Variants in SCLY observed in about 807,000 individuals in gnomAD.
SCLY encodes the protein putative selenocysteine lyase.
SCLY carries 38 observed loss-of-function variants against 50.1 expected under a neutral mutation model. The ratio of observed to expected loss-of-function variants is 0.76; its 90% CI spans 0.59 to 0.99. The LOEUF (loss-of-function observed/expected upper bound fraction) is 0.99. Ranked by LOEUF, SCLY falls within the 50% of genes least tolerant of loss-of-function variation. SCLY has a pLI of 0.00. For synonymous variants in SCLY, 243 were observed against 249.4 expected (o/e 0.97, Z 0.24); for missense variants, 600 against 620.0 (o/e 0.97, Z 0.34).
intron 3 of SCLY, 99 bp downstream of exon 3, chr2:238,068,264 G>A: frequency 1.1e-6 from 1 of 951,942 alleles, no homozygotes; most frequent in Non-Finnish European, 1.5e-6. Context: ...TAAAGAAAGA[G>A]TAGGCCAAGT....
At chr2:238,068,385 C>CA (rs758815395) in intron 3 of SCLY, among the ~76,000 whole-genome samples, 2,763 of 127,882 alleles carry the variant, frequency 0.022, 55 homozygotes, top group African/African-American at 0.066. Flanking sequence ...TCCATCTCTA[C>CA]AAAAAAAAAA....
intron 7 of SCLY, among the ~76,000 whole-genome samples, chr2:238,084,396 G>A (rs2065267333): frequency 6.9e-6 from 1 of 145,830 alleles, no homozygotes; most frequent in Non-Finnish European, 1.5e-5. Flanking sequence ...TTTGAGAGCA[G>A]CCTGGCCGAG....
Position 238,067,251 on chromosome 2 carries a change from A to T in SCLY, c.203-814A>T, listed in dbSNP as rs1233339020. Among the ~76,000 whole-genome samples, 1 of 152,232 alleles carries T rather than the reference A, an allele frequency of 6.6e-6. No homozygotes were observed. Among genetic ancestry groups the T allele is most frequent in the Non-Finnish European group, 1.5e-5 (1 of 68,032 alleles). On this transcript the variant is annotated intron_variant, in intron 2 of 11. Coordinates refer to ENST00000254663, the MANE Select transcript of SCLY (RefSeq NM_016510.7). This position sits in a 1 kb window ranked among gnomAD's most constrained non-coding sequence, Gnocchi z 4.3. ...AAACTGACATCTATACAGTAGCGTT[A>T]AGGAGCAGCAGAATTACTTTGCATA...
At position 238,096,328 on chromosome 2, in the gene SCLY, G is replaced by A. The variant is rs2065435868; in HGVS notation, c.1109-473G>A. 3.8e-5 allele frequency: 9 copies of A among 235,046 alleles called. 1 individual carries two copies. In the South Asian group the frequency reaches 4.2e-4, roughly 11 times the overall value. 14.6% of individuals were successfully genotyped at this position (235,046 alleles called of 1,614,324 possible). A position where few individuals can be genotyped will look rare whatever the true frequency, so the allele number is the denominator to read the frequency against. On this transcript the variant is annotated intron_variant, in intron 10 of 11. Transcript: ENST00000254663. ...GGCCTCCCAAAGTGCTGGGATTACA[G>A]GTGTAAGCCACTGCACCTGGCTGAA...
At chr2:238,092,447 G>C (rs183885765) in intron 8 of SCLY, 3 of 152,354 alleles carry the variant, frequency 2.0e-5, no homozygotes, top group Admixed American at 6.5e-5. Context: ...TGAAGTAGTG[G>C]TGCCGTCCAC....
intron 8 of SCLY, 112 bp downstream of exon 8, chr2:238,091,366 C>T (rs368926660): frequency 2.7e-5 from 24 of 885,324 alleles, no homozygotes; most frequent in African/African-American, 2.1e-4. Context: ...ATCTCATAAG[C>T]GGACTGACAA....
intron 7 of SCLY, among the ~76,000 whole-genome samples, chr2:238,087,828 G>A (rs1212440120): frequency 2.6e-5 from 4 of 152,200 alleles, no homozygotes; most frequent in South Asian, 2.1e-4. Flanking sequence ...GGTGGTTCAC[G>A]CGTGTAATCC....
Position 238,081,344 on chromosome 2 carries a change from A to T in SCLY, c.485-365A>T, listed in dbSNP as rs562121772. 5.9e-5 allele frequency: 11 copies of T among 187,030 alleles called. No homozygotes were observed. The South Asian group carries it at 1.5e-3, about 25-fold the overall frequency. 11.6% of individuals were successfully genotyped at this position (187,030 alleles called of 1,614,324 possible). A position where few individuals can be genotyped will look rare whatever the true frequency, so the allele number is the denominator to read the frequency against. ...GCGCCTGGCGCGTAGGAGCGGCTTC[A>T]TCAGCACTGGCTCGGTGCCAAATGC... On this transcript the variant is annotated intron_variant, in intron 4 of 11. Transcript: ENST00000254663.
chr2:238,086,669 G>A (rs957295486), intron 7 of SCLY, among the ~76,000 whole-genome samples: 13 of 137,172 alleles, frequency 9.5e-5, no homozygotes, highest in African/African-American at 3.6e-4. Flanking sequence ...TCACACCATT[G>A]CACTCCAGCC....
At chr2:238,088,172 C>A (rs866834621) in intron 7 of SCLY, among the ~76,000 whole-genome samples, 1 of 152,080 alleles carries the variant, frequency 6.6e-6, no homozygotes, top group Non-Finnish European at 1.5e-5. Flanking sequence ...ATTCAAAATG[C>A]GATCTAGAGC....
At position 238,096,955 on chromosome 2, in the gene SCLY, G is replaced by T. The variant is rs149530922; in HGVS notation, c.1184+79G>T. The T allele has an allele frequency of 5.2e-5, 70 of 1,348,294 alleles. No individual in the cohort carries two copies. The African/African-American group carries it at 9.3e-4, about 18-fold the overall frequency. 83.5% of individuals were successfully genotyped at this position (1,348,294 alleles called of 1,614,324 possible). ...GTGTGGTGGGCAGGCGGCAGGATCC[G>T]GCCACTGGGCCGCACTCTGGCTGGT... On this transcript the variant is annotated intron_variant, in intron 11 of 11. Transcript: ENST00000254663.
At chr2:238,075,005 GCA>G (rs1258143500) in intron 4 of SCLY, among the ~76,000 whole-genome samples, 2 of 152,168 alleles carry the variant, frequency 1.3e-5, no homozygotes, top group Non-Finnish European at 2.9e-5. Context: ...GTAAGGGAAG[GCA>G]TTCATTCTTT....
intron 4 of SCLY, among the ~76,000 whole-genome samples, chr2:238,072,417 C>T (rs770227973): frequency 6.6e-6 from 1 of 152,096 alleles, no homozygotes; most frequent in African/African-American, 2.4e-5. Flanking sequence ...CTGGGTCATG[C>T]GGTAACTATC....
intron 10 of SCLY, chr2:238,094,878 G>C (rs1342959642): frequency 4.3e-6 from 1 of 231,142 alleles, no homozygotes; most frequent in East Asian, 9.8e-5. Context: ...TTAAATATTT[G>C]AGTGAGGGAA....
At chr2:238,091,412 G>GCTGTACTTTTTCAGAT (rs2065360926) in intron 8 of SCLY, 158 bp downstream of exon 8, 1 of 719,556 alleles carries the variant, frequency 1.4e-6, no homozygotes. Context: ...AACCTGGAGA[G>GCTGTACTTTTTCAGAT]CTGTACTTTT....
intron 2 of SCLY, among the ~76,000 whole-genome samples, chr2:238,065,660 T>TTTTTTTTTATTATTA (rs71402758): frequency 2.1e-5 from 3 of 143,514 alleles, no homozygotes; most frequent in Admixed American, 6.9e-5. Context: ...AATATTTTAT[T>TTTTTTTTTATTATTA]TTATTATTAT....
intron 4 of SCLY, among the ~76,000 whole-genome samples, chr2:238,072,945 A>G (rs1480327495): frequency 6.6e-6 from 1 of 152,176 alleles, no homozygotes; most frequent in African/African-American, 2.4e-5. Context: ...TGTCCTACCC[A>G]AGGTCATGAA....
intron 7 of SCLY, 95 bp from the exon 8 acceptor site, chr2:238,091,123 G>A: frequency 8.7e-7 from 1 of 1,150,154 alleles, no homozygotes; most frequent in Non-Finnish European, 1.3e-6. Flanking sequence ...GATGTAGCGT[G>A]AGTTTGATTT....
intron 4 of SCLY, among the ~76,000 whole-genome samples, chr2:238,077,515 T>C (rs2065185535): frequency 6.6e-6 from 1 of 152,240 alleles, no homozygotes; most frequent in Non-Finnish European, 1.5e-5. Flanking sequence ...TCTAGGGATT[T>C]CCAACCCTGG....
Sources: gnomAD v4.1 joint callset for allele counts (sites outside exome capture counted in the v4.1 genomes callset) on GRCh38, gnomAD v4.1.1 for gene constraint, Gnocchi (gnomAD v3.1) non-coding constraint, MANE v1.5 for transcripts, NCBI Gene and HGNC (gene_info 2026-07-23, HGNC 2026-07-21) for gene names.